GPD2: variants seen among roughly 807,000 people sequenced by gnomAD.
GPD2 encodes glycerol-3-phosphate dehydrogenase 2, also known as glycerol-3-phosphate dehydrogenase, mitochondrial.
In GPD2, 54 loss-of-function variants were observed where a neutral mutation model predicts 82.4. The ratio of observed to expected loss-of-function variants is 0.66; its 90% confidence interval spans 0.53 to 0.82. The LOEUF is 0.82. GPD2 is among the 40% of genes least tolerant of loss of function. GPD2 has a pLI of 0.00. For synonymous variants in GPD2, 288 were observed against 306.1 expected (o/e 0.94, Z 0.62); for missense variants, 748 against 896.2 (o/e 0.83, Z 2.11).
intron 2 of GPD2, among the ~76,000 whole-genome samples, chr2:156,494,593 T>TA (rs763499180): frequency 4.6e-5 from 7 of 152,210 alleles, no homozygotes; most frequent in African/African-American, 1.7e-4. Context: ...TGAATGAATT[T>TA]AAAAAATCAC....
chr2:156,439,537 A>AAC (rs1682076591), intron 1 of GPD2, among the ~76,000 whole-genome samples: 1 of 96,708 alleles, frequency 1.0e-5, no homozygotes, highest in Non-Finnish European at 2.2e-5. Flanking sequence ...AAAAAAAAAA[A>AAC]AACAAAAAAA....
At chr2:156,528,034 A>G (rs1685678645) in intron 6 of GPD2, among the ~76,000 whole-genome samples, 2 of 152,194 alleles carry the variant, frequency 1.3e-5, no homozygotes, top group Non-Finnish European at 2.9e-5. Flanking sequence ...AGGTAAAAAT[A>G]CATTATCATT....
At chr2:156,536,614 A>G (rs73018484) in intron 6 of GPD2, among the ~76,000 whole-genome samples, 1 of 152,348 alleles carries the variant, frequency 6.6e-6, no homozygotes, top group African/African-American at 2.4e-5. Flanking sequence ...TGACTTTAAA[A>G]TGTGGATACT....
upstream of GPD2, among the ~76,000 whole-genome samples, chr2:156,432,498 T>G (rs1303853906): frequency 6.6e-6 from 1 of 152,186 alleles, no homozygotes. Context: ...AGTGAGAACA[T>G]GTGATACTTG....
intron 1 of GPD2, among the ~76,000 whole-genome samples, chr2:156,454,322 A>G (rs1573884691): frequency 6.6e-6 from 1 of 152,296 alleles, no homozygotes; most frequent in African/African-American, 2.4e-5. Context: ...AGCAACTGCC[A>G]TAGCCATCCT....
chr2:156,571,448 G>C (rs1687638447), intron 13 of GPD2, among the ~76,000 whole-genome samples, 156 bp downstream of exon 13: 1 of 152,070 alleles, frequency 6.6e-6, no homozygotes, highest in Admixed American at 6.6e-5. Flanking sequence ...TAGGAAAATG[G>C]AAAGATATTC....
At chr2:156,484,284 T>A (rs1158933252) in intron 2 of GPD2, among the ~76,000 whole-genome samples, 2 of 151,932 alleles carry the variant, frequency 1.3e-5, no homozygotes, top group Non-Finnish European at 2.9e-5. Flanking sequence ...TACAGTCGCC[T>A]GCCACCACGG....
intron 9 of GPD2, among the ~76,000 whole-genome samples, chr2:156,567,790 A>T (rs1270824035): frequency 1.3e-5 from 2 of 152,104 alleles, no homozygotes; most frequent in African/African-American, 4.8e-5. Flanking sequence ...ACCATAGCTC[A>T]CCTTCTCTCT....
rs1682793434 is a variant in GPD2, at chr2:156,456,498, G to A, written c.-8-19600G>A. On this transcript the variant is annotated intron_variant, in intron 1 of 16. Transcript: ENST00000438166. ...CACAACTGTAATCCCAGCTTCTCTGGAGGCTGAGGTGGGAGAATTGCTTGA... is the reference window on the plus strand; with the variant it reads ...CACAACTGTAATCCCAGCTTCTCTGAAGGCTGAGGTGGGAGAATTGCTTGA... Among the ~76,000 whole-genome samples, 4 of 152,046 alleles carry A rather than the reference G, an allele frequency of 2.6e-5. 1 individual carries two copies. Among genetic ancestry groups the A allele is most frequent in the Admixed American group, 2.6e-4 (4 of 15,260 alleles).
rs3769353 is a variant in GPD2 at position 156,532,763 on chromosome 2, T to C, written c.662-16845T>C. Among the ~76,000 whole-genome samples, 4 of 152,316 alleles carry C rather than the reference T, an allele frequency of 2.6e-5. No individual in the cohort carries two copies. The East Asian group carries it at 5.8e-4, about 22-fold the overall frequency. On this transcript the variant is annotated intron_variant, in intron 6 of 16. Transcript: ENST00000438166. Reference sequence around the variant, plus strand: ...TGCTTTATAGGAATTTAGAAGGACATTGGGTAGTAGAGGGCTTGGGAAAAA... The same window carrying C: ...TGCTTTATAGGAATTTAGAAGGACACTGGGTAGTAGAGGGCTTGGGAAAAA...
chr2:156,551,212 T>C (rs1686747934), intron 8 of GPD2, among the ~76,000 whole-genome samples: 1 of 151,796 alleles, frequency 6.6e-6, no homozygotes, highest in African/African-American at 2.4e-5. Flanking sequence ...AAAAAAATAT[T>C]GTAGCAAGCA....
the GPD2 span, among the ~76,000 whole-genome samples, chr2:156,407,813 T>C: frequency 6.6e-6 from 1 of 152,192 alleles, no homozygotes; most frequent in Non-Finnish European, 1.5e-5. Flanking sequence ...TGAGTACATT[T>C]TAAATATTGC....
Position 156,496,083 on chromosome 2 carries a change from G to GA in GPD2, c.144dup (p.Pro49ThrfsTer3). The GA allele has an allele frequency of 1.2e-6, 2 of 1,613,362 alleles. No individual in the cohort carries two copies. The highest frequency in any genetic ancestry group is 1.7e-6 in the Non-Finnish European group (2 of 1,179,412). On this transcript the variant is annotated frameshift_variant, in exon 3 of 17. Coordinates refer to ENST00000438166, the MANE Select transcript of GPD2 (RefSeq NM_000408.5). LOFTEE classifies it high-confidence loss of function. ...TGTTAAAGCAGCAGACTGCATTTCA[G>GA]AACCAGTTAACAGGGAGCCTCCTTC... is the stretch of plus-strand genomic sequence containing the variant.
intron 1 of GPD2, among the ~76,000 whole-genome samples, chr2:156,445,011 A>C (rs1419151880): frequency 6.6e-6 from 1 of 152,198 alleles, no homozygotes; most frequent in African/African-American, 2.4e-5. Flanking sequence ...TTGCCTCAGA[A>C]GTGCTGGGAT....
At chr2:156,501,123 T>G (rs1684572897) in intron 3 of GPD2, among the ~76,000 whole-genome samples, 1 of 152,164 alleles carries the variant, frequency 6.6e-6, no homozygotes, top group South Asian at 2.1e-4. Flanking sequence ...TAGTACATTT[T>G]TGGTTTAAAA....
At chr2:156,557,662 T>C in intron 9 of GPD2, 80 bp downstream of exon 9, 1 of 835,362 alleles carries the variant, frequency 1.2e-6, no homozygotes, top group African/African-American at 1.7e-5. Context: ...ATAAATGCTA[T>C]GTCTCCAGTC....
At chr2:156,435,075 C>T (rs1380022203), upstream of GPD2, among the ~76,000 whole-genome samples, 2 of 151,900 alleles carry the variant, frequency 1.3e-5, no homozygotes, top group African/African-American at 4.8e-5. Flanking sequence ...ATGGATGGTT[C>T]CCTGAAGTTA....
chr2:156,573,205 C>T (rs1451819596), intron 13 of GPD2, among the ~76,000 whole-genome samples: 3 of 152,108 alleles, frequency 2.0e-5, no homozygotes, highest in Admixed American at 6.6e-5. Flanking sequence ...ATAAAATTTA[C>T]CCCCATGTTA....
chr2:156,455,758 T>A (rs1314476587), intron 1 of GPD2, among the ~76,000 whole-genome samples: 1 of 24,088 alleles, frequency 4.2e-5, no homozygotes, highest in Non-Finnish European at 5.6e-4. Context: ...TTATCATTTT[T>A]GTTTGTGTTA....
Sources: allele counts gnomAD v4.1 joint callset (sites outside exome capture counted in the v4.1 genomes callset), GRCh38; gene constraint gnomAD v4.1.1; transcripts MANE v1.5; gene names NCBI Gene and HGNC (gene_info 2026-07-23, HGNC 2026-07-21).